The following GUCY1A2 variants were observed in gnomAD, a reference collection of about 807,000 sequenced individuals.
The protein encoded by GUCY1A2 is guanylate cyclase 1 soluble subunit alpha 2, also known as guanylate cyclase soluble subunit alpha-2.
GUCY1A2 carries 27 observed loss-of-function variants against 63.5 expected under a neutral mutation model. The ratio of observed to expected loss-of-function variants is 0.43; its 90% CI spans 0.31 to 0.59. GUCY1A2 has a LOEUF of 0.59. Among genes scored for constraint, GUCY1A2 ranks in the 20% least tolerant of loss-of-function variants. The pLI, the probability that GUCY1A2 is intolerant of heterozygous loss-of-function variation, is 0.11. For synonymous variants in GUCY1A2, 364 were observed against 343.5 expected, an observed-to-expected ratio of 1.06 and a Z score of -0.66; for missense variants, 768 against 913.3, an observed-to-expected ratio of 0.84 and a Z score of 2.05.
intron 5 of GUCY1A2, among the ~76,000 whole-genome samples, chr11:106,808,081 A>G (rs1591285693): frequency 6.6e-6 from 1 of 152,236 alleles, no homozygotes; most frequent in East Asian, 1.9e-4. Context: ...ACTCCTTAAT[A>G]AACTCCCTTT....
chr11:106,958,072 G>A (rs1861013407), intron 3 of GUCY1A2, among the ~76,000 whole-genome samples: 1 of 152,024 alleles, frequency 6.6e-6, no homozygotes, highest in Non-Finnish European at 1.5e-5. Context: ...CCATGCTGTA[G>A]CTATTACAGT....
intron 4 of GUCY1A2, among the ~76,000 whole-genome samples, chr11:106,882,616 T>A (rs889201438): frequency 3.3e-5 from 5 of 152,070 alleles, no homozygotes; most frequent in Admixed American, 6.6e-5. Context: ...ATAAATCTAA[T>A]CCATAAGAGA....
At chr11:106,730,292 G>T (rs1159877109) in intron 6 of GUCY1A2, among the ~76,000 whole-genome samples, 1 of 151,168 alleles carries the variant, frequency 6.6e-6, no homozygotes, top group Non-Finnish European at 1.5e-5. Context: ...CCTAAAGTAG[G>T]CCCTGGTGTC....
chr11:106,802,195 T>G (rs542295491), intron 5 of GUCY1A2, among the ~76,000 whole-genome samples: 1 of 152,302 alleles, frequency 6.6e-6, no homozygotes, highest in East Asian at 1.9e-4. Context: ...GAGTGAGAGA[T>G]AGCGGTCCTG....
intron 3 of GUCY1A2, among the ~76,000 whole-genome samples, chr11:106,952,387 C>T (rs181544256): frequency 6.6e-6 from 1 of 152,040 alleles, no homozygotes; most frequent in East Asian, 1.9e-4. Context: ...ATGTTTTTTC[C>T]ATTTGTTTAT....
chr11:106,815,927 T>C (rs1858824957), intron 4 of GUCY1A2, among the ~76,000 whole-genome samples: 1 of 151,982 alleles, frequency 6.6e-6, no homozygotes, highest in South Asian at 2.1e-4. Context: ...AAATGGATTC[T>C]ACCCCAGAGC....
chr11:107,011,523 T>G (rs1861744002), intron 1 of GUCY1A2, among the ~76,000 whole-genome samples: 1 of 146,912 alleles, frequency 6.8e-6, no homozygotes, highest in Non-Finnish European at 1.5e-5. Flanking sequence ...ATATATAAAA[T>G]ATATTTTTAA....
intron 4 of GUCY1A2, among the ~76,000 whole-genome samples, chr11:106,921,134 G>A (rs1860439119): frequency 6.6e-6 from 1 of 151,882 alleles, no homozygotes; most frequent in South Asian, 2.1e-4. Flanking sequence ...TGATACCCTG[G>A]GAAAAGCCAA....
At chr11:106,692,422 T>G (rs952083822) in intron 7 of GUCY1A2, among the ~76,000 whole-genome samples, 1 of 152,140 alleles carries the variant, frequency 6.6e-6, no homozygotes, top group Non-Finnish European at 1.5e-5. Flanking sequence ...CTCCCAAGCA[T>G]GTGCAGGAAG....
rs1246211679 is a variant in GUCY1A2, at chr11:106,684,896, C to T, written c.*2653G>A. ...AAATGCCACCACATTGTTACAATCA[C>T]AATTCCTAAGAGAAGAGATGTAGAT... On this transcript the variant is annotated 3_prime_UTR_variant, in exon 8 of 8. Coordinates refer to ENST00000526355, the MANE Select transcript of GUCY1A2 (RefSeq NM_000855.3). 4.8e-6 allele frequency: 1 copy of T among 206,722 alleles called. No homozygotes were observed. Among genetic ancestry groups the T allele is most frequent in the Admixed American group, 5.9e-5 (1 of 16,836 alleles). 12.8% of individuals were successfully genotyped at this position (206,722 alleles called of 1,614,324 possible). A position where few individuals can be genotyped will look rare whatever the true frequency, so the allele number is the denominator to read the frequency against.
chr11:106,992,565 C>T (rs922556471), intron 1 of GUCY1A2, among the ~76,000 whole-genome samples: 6 of 151,818 alleles, frequency 4.0e-5, no homozygotes, highest in Non-Finnish European at 8.8e-5. Context: ...CTCCTGACCT[C>T]GTGATCTGCC....
At chr11:106,866,947 C>T (rs1446167304) in intron 4 of GUCY1A2, among the ~76,000 whole-genome samples, 7 of 151,994 alleles carry the variant, frequency 4.6e-5, no homozygotes, top group Non-Finnish European at 1.0e-4. Context: ...GTCATAGCTG[C>T]CCACCAAATT....
At chr11:106,997,149 A>C (rs913381951) in intron 1 of GUCY1A2, among the ~76,000 whole-genome samples, 2 of 152,170 alleles carry the variant, frequency 1.3e-5, no homozygotes, top group Non-Finnish European at 2.9e-5. Context: ...CCTTCTAATA[A>C]ATTATTTATG....
intron 4 of GUCY1A2, among the ~76,000 whole-genome samples, chr11:106,929,661 G>A (rs1860575534): frequency 2.0e-5 from 3 of 152,142 alleles, no homozygotes; most frequent in Middle Eastern, 6.8e-3. Context: ...ATATCCCTGA[G>A]TGACTGTCAT....
chr11:106,815,072 A>C (rs1250999722), intron 4 of GUCY1A2, among the ~76,000 whole-genome samples: 2 of 152,092 alleles, frequency 1.3e-5, no homozygotes, highest in African/African-American at 4.8e-5. Context: ...AAAACACAAA[A>C]TCTCAGTAAA....
chr11:106,809,406 T>C (rs1475679043), intron 5 of GUCY1A2, among the ~76,000 whole-genome samples: 2 of 152,150 alleles, frequency 1.3e-5, no homozygotes, highest in African/African-American at 4.8e-5. Flanking sequence ...AAACCAACCA[T>C]GGTGGTTGGC....
chr11:106,868,170 C>T (rs960231952), intron 4 of GUCY1A2, among the ~76,000 whole-genome samples: 1 of 151,990 alleles, frequency 6.6e-6, no homozygotes, highest in Non-Finnish European at 1.5e-5. Flanking sequence ...AGCTATAAAG[C>T]TATGCCGGTA....
At chr11:106,829,195 A>G (rs1042921734) in intron 4 of GUCY1A2, among the ~76,000 whole-genome samples, 2 of 152,316 alleles carry the variant, frequency 1.3e-5, no homozygotes, top group Non-Finnish European at 1.5e-5. Flanking sequence ...GTTGCATTTT[A>G]TCGTCCTGCA....
intron 7 of GUCY1A2, among the ~76,000 whole-genome samples, chr11:106,703,885 C>T (rs574799470): frequency 1.3e-5 from 2 of 151,742 alleles, no homozygotes; most frequent in South Asian, 4.2e-4. Flanking sequence ...ATATGATTCC[C>T]ACATTTAAGC....
Sources: allele counts gnomAD v4.1 joint callset (sites outside exome capture counted in the v4.1 genomes callset), GRCh38; gene constraint gnomAD v4.1.1; transcripts MANE v1.5; gene names NCBI Gene and HGNC (gene_info 2026-07-23, HGNC 2026-07-21).